The following RBFOX1 variants were observed in gnomAD, a reference collection of about 807,000 sequenced individuals.
RBFOX1 encodes the protein RNA binding fox-1 homolog 1.
A neutral mutation model predicts 57.7 loss-of-function variants in RBFOX1; 8 were observed. The observed-to-expected ratio is 0.14, with a 90% CI of 0.08 to 0.25. The LOEUF is 0.25. Among genes scored for constraint, RBFOX1 ranks in the 10% least tolerant of loss-of-function variants. The pLI, the probability that RBFOX1 is intolerant of heterozygous loss-of-function variation, is 1.00. For synonymous variants in RBFOX1, 326 were observed against 222.4 expected, an observed-to-expected ratio of 1.47 and a Z score of -4.15; for missense variants, 611 against 548.5, an observed-to-expected ratio of 1.11 and a Z score of -1.14.
intron 3 of RBFOX1, among the ~76,000 whole-genome samples, chr16:5,640,991 G>A (rs1478313511): frequency 1.3e-5 from 2 of 148,366 alleles, no homozygotes; most frequent in Non-Finnish European, 3.0e-5. Context: ...TGCATATCAT[G>A]CATACATATG....
In RBFOX1 at chr16:5,343,298, G is replaced by GTTTTT. The variant is rs33934959; in HGVS notation, c.219+103209_219+103213dup. Among the ~76,000 whole-genome samples the GTTTTT allele has an allele frequency of 5.2e-4, 57 of 109,916 alleles. 1 individual carries two copies. Among genetic ancestry groups the GTTTTT allele is most frequent in the African/African-American group, 1.8e-3 (54 of 29,960 alleles). The allele number at this position is 109,916 out of a possible 152,430, so 72.1% of individuals were successfully genotyped here. ...CCTTTAAAACTTTCACTTCTTTGAA[G>GTTTTT]TTTTTTTTTTTTTTTTTTTTGGTTT... On this transcript the variant is annotated intron_variant, in intron 1 of 2. Coordinates refer to the RBFOX1 transcript ENST00000585867.
chr16:7,586,205 T>C (rs1017166767), intron 6 of RBFOX1, among the ~76,000 whole-genome samples: 1 of 152,196 alleles, frequency 6.6e-6, no homozygotes, highest in African/African-American at 2.4e-5. Context: ...AGTACATGAT[T>C]TTACATTACC....
intron 4 of RBFOX1, among the ~76,000 whole-genome samples, chr16:7,209,307 C>T (rs750337886): frequency 5.3e-5 from 8 of 151,982 alleles, no homozygotes; most frequent in South Asian, 2.1e-4. Context: ...TGCATTCCAG[C>T]GTAGGCGACA....
In RBFOX1 at chr16:6,714,041, T is replaced by A. The variant is rs778658811; in HGVS notation, c.-16+59391T>A. 2.2e-4 allele frequency among the ~76,000 whole-genome samples: 34 copies of A among 152,214 alleles called. 1 individual carries two copies. Among genetic ancestry groups the A allele is most frequent in the Non-Finnish European group, 4.4e-4 (30 of 68,034 alleles). ...ATACCCATGTGTGGAGGAAGAGAAGTCATTGGATTGTGGGGGTGGTTTCCC... is the reference window on the plus strand; with the variant it reads ...ATACCCATGTGTGGAGGAAGAGAAGACATTGGATTGTGGGGGTGGTTTCCC... On this transcript the variant is annotated intron_variant, in intron 3 of 15. Coordinates refer to ENST00000550418, the MANE Select transcript of RBFOX1 (RefSeq NM_018723.4).
chr16:7,338,943 G>A (rs2096843159), intron 4 of RBFOX1, among the ~76,000 whole-genome samples: 1 of 152,140 alleles, frequency 6.6e-6, no homozygotes, highest in South Asian at 2.1e-4. Flanking sequence ...ATGCACACCT[G>A]ATATAAATGC....
chr16:7,143,939 C>A (rs76841515), intron 4 of RBFOX1, among the ~76,000 whole-genome samples: 2,438 of 152,168 alleles, frequency 0.016, 58 homozygotes, highest in African/African-American at 0.056. Context: ...ATGGAATAAT[C>A]TTGTTAGTTT....
At chr16:6,342,344 A>G (rs1440542252) in intron 2 of RBFOX1, among the ~76,000 whole-genome samples, 1 of 152,168 alleles carries the variant, frequency 6.6e-6, no homozygotes, top group African/African-American at 2.4e-5. Context: ...AATTGACATG[A>G]ATTAGAGATA....
At chr16:5,586,543 G>A (rs1259126609) in intron 2 of RBFOX1, among the ~76,000 whole-genome samples, 1 of 152,132 alleles carries the variant, frequency 6.6e-6, no homozygotes, top group Non-Finnish European at 1.5e-5. Flanking sequence ...TGTCTCCCAG[G>A]CTGGAGTACA....
chr16:6,730,728 G>A (rs1208223604), intron 3 of RBFOX1, among the ~76,000 whole-genome samples: 1 of 152,176 alleles, frequency 6.6e-6, no homozygotes, highest in Non-Finnish European at 1.5e-5. Context: ...ACTGCTAGGG[G>A]CAAACAGACA....
intron 3 of RBFOX1, among the ~76,000 whole-genome samples, chr16:5,671,342 A>G (rs1008146805): frequency 1.3e-5 from 2 of 152,136 alleles, no homozygotes; most frequent in South Asian, 2.1e-4. Flanking sequence ...AAGGATAAAG[A>G]TGATCAGAGA....
intron 1 of RBFOX1, among the ~76,000 whole-genome samples, chr16:6,277,769 G>A (rs1809755099): frequency 6.6e-6 from 1 of 151,990 alleles, no homozygotes; most frequent in African/African-American, 2.4e-5. Flanking sequence ...TTAATGTGCG[G>A]TACAGAGAAG....
intron 4 of RBFOX1, among the ~76,000 whole-genome samples, chr16:7,190,948 C>T (rs2152628133): frequency 6.6e-6 from 1 of 151,910 alleles, no homozygotes; most frequent in African/African-American, 2.4e-5. Flanking sequence ...TGGACTTCTC[C>T]CTAATCATCT....
rs190827073 is a variant in RBFOX1 at position 6,635,955 on chromosome 16, C to G, written c.-63-18648C>G. ...AATGAGGTATCTTGGGGATGGGACC[C>G]AAGTTGAGAACCGTCATTGCCTTAT... On this transcript the variant is annotated intron_variant, in intron 2 of 15. Transcript: ENST00000550418. 3.3e-5 allele frequency among the ~76,000 whole-genome samples: 5 copies of G among 152,216 alleles called. 1 individual carries two copies. Among genetic ancestry groups the G allele is most frequent in the African/African-American group, 7.2e-5 (3 of 41,534 alleles).
intron 1 of RBFOX1, among the ~76,000 whole-genome samples, chr16:6,053,348 C>T (rs2095576322): frequency 2.0e-5 from 3 of 152,102 alleles, no homozygotes; most frequent in Admixed American, 2.0e-4. Flanking sequence ...GTGGCTAACA[C>T]AATTAGTGAG....
At chr16:5,724,783 T>C (rs1328239254) in intron 3 of RBFOX1, among the ~76,000 whole-genome samples, 2 of 151,442 alleles carry the variant, frequency 1.3e-5, no homozygotes, top group Admixed American at 6.6e-5. Context: ...GGTGCTTATA[T>C]TCTTCTCCTT....
At chr16:6,901,770 A>G (rs2068559307) in intron 3 of RBFOX1, among the ~76,000 whole-genome samples, 3 of 152,198 alleles carry the variant, frequency 2.0e-5, no homozygotes, top group South Asian at 2.1e-4. Context: ...ATTAACACTC[A>G]TAGATGAGAT....
intron 4 of RBFOX1, among the ~76,000 whole-genome samples, chr16:7,249,393 G>T (rs961119921): frequency 1.3e-5 from 2 of 152,080 alleles, no homozygotes; most frequent in Admixed American, 6.6e-5. Flanking sequence ...GGAACCTGGG[G>T]ACATCACTAG....
At chr16:5,409,928 A>G (rs575557265) in intron 1 of RBFOX1, among the ~76,000 whole-genome samples, 32 of 151,902 alleles carry the variant, frequency 2.1e-4, no homozygotes, top group African/African-American at 6.5e-4. Flanking sequence ...GACACCTGTA[A>G]TCCCAGCTAC....
chr16:5,819,724 G>C (rs554455256), intron 3 of RBFOX1, among the ~76,000 whole-genome samples: 1 of 152,244 alleles, frequency 6.6e-6, no homozygotes, highest in South Asian at 2.1e-4. Flanking sequence ...ATGCCCACCA[G>C]GTGAATCACA....
Sources: gnomAD v4.1 joint callset for allele counts (sites outside exome capture counted in the v4.1 genomes callset) on GRCh38, gnomAD v4.1.1 for gene constraint, MANE v1.5 for transcripts, NCBI Gene and HGNC (gene_info 2026-07-23, HGNC 2026-07-21) for gene names.